Variants in EFCAB5 observed in about 807,000 individuals in gnomAD.
The protein encoded by EFCAB5 is EF-hand calcium-binding domain-containing protein 5.
A neutral mutation model predicts 167.9 loss-of-function variants in EFCAB5; 131 were observed. The ratio of observed to expected loss-of-function variants is 0.78; its 90% confidence interval spans 0.68 to 0.90. EFCAB5 has a LOEUF of 0.90. EFCAB5 is among the 40% of genes least tolerant of loss of function. The probability of loss-of-function intolerance (pLI) is 0.00; values close to 1 mark genes in which losing one functional copy is unlikely to be tolerated. For missense variants in EFCAB5, 1,663 were observed against 1,745.2 expected (o/e 0.95, Z 0.84); for synonymous variants, 574 against 602.8 (o/e 0.95, Z 0.70).
intron 7 of EFCAB5, among the ~76,000 whole-genome samples, chr17:30,010,004 TGTCCAAGTG>T (rs778506655): frequency 1.3e-5 from 2 of 152,172 alleles, no homozygotes; most frequent in Non-Finnish European, 2.9e-5. Flanking sequence ...ATGTGTCCTA[TGTCCAAGTG>T]TTCTCATTGT....
At chr17:29,951,153 C>T (rs1253659611) in intron 3 of EFCAB5, among the ~76,000 whole-genome samples, 1 of 152,098 alleles carries the variant, frequency 6.6e-6, no homozygotes, top group African/African-American at 2.4e-5. Context: ...AGGAAGAAAT[C>T]AAAACTTGGG....
chr17:30,055,904 A>G lies in EFCAB5; in HGVS notation c.2211A>G (p.Glu737=). The G allele has an allele frequency of 1.2e-6, 2 of 1,613,076 alleles. No individual in the cohort carries two copies. The highest frequency in any genetic ancestry group is 1.7e-6 in the Non-Finnish European group (2 of 1,179,656). ...KDHFPETTKK[E]VQKDKPCEPK... is the part of the protein sequence containing the mutation. ...ACCTTTTAGAAACTACAAAAAAGGA[A>G]GTTCAGAAAGACAAGCCCTGTGAAC... Residue 737 remains glutamate, a synonymous_variant, in exon 11 of 23, where the codon GAA becomes GAG. Transcript: ENST00000394835.
chr17:29,969,716 T>TA (rs34398823), intron 4 of EFCAB5, among the ~76,000 whole-genome samples: 2 of 152,106 alleles, frequency 1.3e-5, no homozygotes, highest in African/African-American at 2.4e-5. Context: ...GGTCAATATG[T>TA]AAAAAAAGTT....
chr17:30,059,280 T>G, intron 13 of EFCAB5: 1 of 239,928 alleles, frequency 4.2e-6, no homozygotes, highest in Non-Finnish European at 7.9e-6. Flanking sequence ...AAAAATTTTT[T>G]TTAAGACTGA....
At chr17:29,940,460 TC>T (rs572785959), upstream of EFCAB5, among the ~76,000 whole-genome samples, 9 of 152,282 alleles carry the variant, frequency 5.9e-5, no homozygotes, top group South Asian at 1.9e-3. Context: ...CCTAATAAAG[TC>T]TTATTGAGTT....
At chr17:30,015,067 TG>T (rs2068999813) in intron 7 of EFCAB5, among the ~76,000 whole-genome samples, 1 of 152,206 alleles carries the variant, frequency 6.6e-6, no homozygotes, top group Non-Finnish European at 1.5e-5. Flanking sequence ...AAGCTTAGTT[TG>T]GCTGGATATG....
intron 22 of EFCAB5, among the ~76,000 whole-genome samples, chr17:30,093,939 G>T (rs2071247599): frequency 6.6e-6 from 1 of 152,176 alleles, no homozygotes. Flanking sequence ...GTTTGTGCCA[G>T]AAGGAGAGGA....
At chr17:29,944,784 C>T (rs997945839) in intron 3 of EFCAB5, among the ~76,000 whole-genome samples, 6 of 151,974 alleles carry the variant, frequency 3.9e-5, no homozygotes, top group South Asian at 2.1e-4. Flanking sequence ...CCATCACACC[C>T]GGCTAAGTTT....
At chr17:30,009,615 CT>C (rs1026082284) in intron 7 of EFCAB5, among the ~76,000 whole-genome samples, 62 of 152,160 alleles carry the variant, frequency 4.1e-4, no homozygotes, top group Middle Eastern at 3.4e-3. Flanking sequence ...AACATACTAC[CT>C]TTTATTTATC....
intron 21 of EFCAB5, 119 bp from the exon 22 acceptor site, chr17:30,092,721 T>G: frequency 8.1e-6 from 5 of 616,894 alleles, no homozygotes; most frequent in Non-Finnish European, 8.2e-6. Flanking sequence ...TCTAACACCA[T>G]TGATTGGTTT....
intron 22 of EFCAB5, among the ~76,000 whole-genome samples, chr17:30,106,727 G>A (rs1331319690): frequency 6.6e-6 from 1 of 152,190 alleles, no homozygotes; most frequent in Admixed American, 6.5e-5. Context: ...AATGTGCTGG[G>A]ATTACAGGTG....
At position 29,969,303 on chromosome 17, in the gene EFCAB5, C is replaced by G; in HGVS notation, c.703C>G (p.Gln235Glu). Residue 235 changes from glutamine (Q) to glutamate (E), a missense_variant, in exon 4 of 23, where the codon CAG (glutamine) becomes GAG (glutamate). By Grantham distance (29) the Gln-to-Glu change is conservative. Coordinates refer to ENST00000394835, the MANE Select transcript of EFCAB5 (RefSeq NM_198529.4). ...YIKDPGMSGY[Q>E]RLMKEVTEDL... ...CAAAGACCCAGGAATGTCTGGTTAC[C>G]AGAGGTTGATGAAAGAAGTCACAGA... 1.2e-6 allele frequency: 2 copies of G among 1,612,108 alleles called. No individual in the cohort carries two copies. The highest frequency in any genetic ancestry group is 3.4e-5 in the Admixed American group (2 of 59,642).
Position 30,092,198 on chromosome 17 carries a change from C to T in EFCAB5, c.4224+41C>T, listed in dbSNP as rs376791045. On this transcript the variant is annotated intron_variant, in intron 21 of 22. Coordinates refer to ENST00000394835, the MANE Select transcript of EFCAB5 (RefSeq NM_198529.4). The stretch of plus-strand genomic sequence containing the variant: ...AAAAGCACCTTTTAAATTGAAGAAT[C>T]GCCTAAACAAATTTAACTGTACAAA... 1.9e-4 allele frequency: 301 copies of T among 1,556,214 alleles called. No homozygotes were observed. In the African/African-American group the frequency reaches 3.3e-3, roughly 17 times the overall value.
intron 4 of EFCAB5, among the ~76,000 whole-genome samples, chr17:29,971,979 T>C (rs1390588989): frequency 6.6e-6 from 1 of 152,140 alleles, no homozygotes; most frequent in Non-Finnish European, 1.5e-5. Context: ...TGTTAGATGC[T>C]CAAATTGCAC....
intron 22 of EFCAB5, among the ~76,000 whole-genome samples, chr17:30,105,343 C>T (rs774702951): frequency 5.3e-5 from 8 of 151,980 alleles, no homozygotes; most frequent in African/African-American, 1.7e-4. Context: ...AAAAATTAGC[C>T]AGGCCTGGTG....
intron 18 of EFCAB5, among the ~76,000 whole-genome samples, chr17:30,085,732 AAAAAAAGAAAAG>A (rs2071077430): frequency 1.3e-5 from 2 of 152,228 alleles, no homozygotes; most frequent in South Asian, 2.1e-4. Flanking sequence ...AAAAAAAAAA[AAAAAAAGAAAAG>A]AAAAGAAATA....
chr17:30,042,051 C>T (rs1233506178), intron 8 of EFCAB5, among the ~76,000 whole-genome samples: 1 of 151,924 alleles, frequency 6.6e-6, no homozygotes, highest in Non-Finnish European at 1.5e-5. Context: ...CTCTGTCTCC[C>T]AGGCTGGAGT....
chr17:30,042,432 C>T (rs763074244), intron 8 of EFCAB5, among the ~76,000 whole-genome samples: 2 of 152,084 alleles, frequency 1.3e-5, no homozygotes, highest in Non-Finnish European at 2.9e-5. Flanking sequence ...GAATGCCTGT[C>T]CTGATATCAG....
In EFCAB5 at chr17:30,080,233, AG is replaced by A. The variant is rs766055562; in HGVS notation, c.3191del (p.Gly1064GlufsTer6). The A allele has an allele frequency of 4.4e-6, 7 of 1,583,712 alleles. No homozygotes were observed. In the East Asian group the frequency reaches 9.1e-5, roughly 21 times the overall value. On this transcript the variant is annotated frameshift_variant, in exon 16 of 23. Transcript: ENST00000394835. LOFTEE classifies it high-confidence loss of function. ...LNRVLYRDMK[G>X]ISFTVVDEGK... The stretch of plus-strand genomic sequence containing the variant: ...ACAGAGTGCTCTACAGGGACATGAA[AG>A]GAATCAGGTAAGAACTTCTTGAAGA...
Sources: allele counts gnomAD v4.1 joint callset (sites outside exome capture counted in the v4.1 genomes callset), GRCh38; gene constraint gnomAD v4.1.1; transcripts MANE v1.5; gene names NCBI Gene and HGNC (gene_info 2026-07-23, HGNC 2026-07-21).